The following FNBP1L variants were observed in gnomAD, a reference collection of about 807,000 sequenced individuals.
FNBP1L encodes the protein formin-binding protein 1-like.
In FNBP1L, 36 loss-of-function variants were observed where a neutral mutation model predicts 91.2. That is an observed-to-expected ratio of 0.39 (90% CI 0.30 to 0.52). The LOEUF is 0.52. FNBP1L is among the 20% of genes least tolerant of loss of function. FNBP1L has a pLI of 0.66. For synonymous variants in FNBP1L, 242 were observed against 237.0 expected (o/e 1.02, Z -0.19); for missense variants, 571 against 732.1 (o/e 0.78, Z 2.54).
chr1:93,460,627 G>C (rs929693331), intron 1 of FNBP1L, among the ~76,000 whole-genome samples: 2 of 152,186 alleles, frequency 1.3e-5, no homozygotes, highest in Non-Finnish European at 2.9e-5. Context: ...GGTCATTTAC[G>C]ATAACATGGA....
chr1:93,491,650 A>G (rs1263378520), intron 1 of FNBP1L, among the ~76,000 whole-genome samples: 1 of 152,216 alleles, frequency 6.6e-6, no homozygotes, highest in African/African-American at 2.4e-5. Context: ...TGTTAAAAAG[A>G]AGAGAATTTG....
intron 1 of FNBP1L, among the ~76,000 whole-genome samples, chr1:93,461,010 C>G (rs903420346): frequency 6.6e-6 from 1 of 151,998 alleles, no homozygotes; most frequent in African/African-American, 2.4e-5. Flanking sequence ...TCTGTAACCT[C>G]CAAGTTTGCA....
rs1479400595 is a variant in FNBP1L, at chr1:93,482,182, AAAAT to A, written c.25-17277_25-17274del. ...GTCTCAAAAATAAATAAATAAGTAA[AAAAT>A]AAATAAATCTACCAAATAAACACAA... On this transcript the variant is annotated intron_variant, in intron 1 of 16. Coordinates refer to ENST00000271234, the MANE Select transcript of FNBP1L (RefSeq NM_001164473.3). Among the ~76,000 whole-genome samples the A allele has an allele frequency of 2.0e-5, 3 of 152,100 alleles. No individual in the cohort carries two copies. The East Asian group carries it at 5.8e-4, about 29-fold the overall frequency.
chr1:93,469,640 G>C (rs1157085154), intron 1 of FNBP1L, among the ~76,000 whole-genome samples: 1 of 152,058 alleles, frequency 6.6e-6, no homozygotes, highest in African/African-American at 2.4e-5. Context: ...AATTTCTGTG[G>C]TAGTATGTAC....
Position 93,528,212 on chromosome 1 carries a change from A to G in FNBP1L, c.406-1440A>G, listed in dbSNP as rs138218705. Among the ~76,000 whole-genome samples, 290 of 152,294 alleles carry G rather than the reference A, an allele frequency of 1.9e-3. 2 individuals carry two copies. Among genetic ancestry groups the G allele is most frequent in the African/African-American group, 6.7e-3 (279 of 41,556 alleles). ...AGAACTGAAAGACATGAATTTCCAG[A>G]TGGAAAGGATATCCCATGTGCTCAG... On this transcript the variant is annotated intron_variant, in intron 5 of 16. Transcript: ENST00000271234.
chr1:93,514,142 AT>A (rs1259317188), intron 2 of FNBP1L, among the ~76,000 whole-genome samples: 3 of 152,220 alleles, frequency 2.0e-5, no homozygotes, highest in Non-Finnish European at 4.4e-5. Flanking sequence ...AGAGAGCCAA[AT>A]CATGAGTGAA....
chr1:93,544,997 T>G (rs1672174010), intron 12 of FNBP1L, among the ~76,000 whole-genome samples: 1 of 152,178 alleles, frequency 6.6e-6, no homozygotes, highest in South Asian at 2.1e-4. Context: ...TCACAATGTT[T>G]CAGTCAGCTG....
At position 93,501,680 on chromosome 1, in the gene FNBP1L, C is replaced by T. The variant is rs1057364646; in HGVS notation, c.140+2097C>T. Among the ~76,000 whole-genome samples the T allele has an allele frequency of 7.2e-5, 11 of 152,094 alleles. 2 individuals carry two copies. The highest frequency in any genetic ancestry group is 3.9e-4 in the Admixed American group (6 of 15,260). ...TGGTTGGGGTCAAACAAACCATATC[C>T]AAACCATAGTGAGAAGTGAATCTAC... On this transcript the variant is annotated intron_variant, in intron 2 of 16. Transcript: ENST00000271234.
intron 7 of FNBP1L, 94 bp downstream of exon 7, chr1:93,530,977 C>A: frequency 1.0e-6 from 1 of 1,001,842 alleles, no homozygotes; most frequent in Non-Finnish European, 1.4e-6. Context: ...TTTCTAGATT[C>A]ACTAGACATC....
At chr1:93,541,596 G>A (rs979847626) in intron 11 of FNBP1L, among the ~76,000 whole-genome samples, 19 of 151,482 alleles carry the variant, frequency 1.3e-4, no homozygotes, top group Non-Finnish European at 1.9e-4. Flanking sequence ...GGGGTGGGGC[G>A]GGGCGGGGAA....
intron 16 of FNBP1L, chr1:93,551,321 C>T (rs921759165): frequency 7.3e-6 from 9 of 1,227,200 alleles, no homozygotes; most frequent in Middle Eastern, 3.2e-4. Flanking sequence ...GTTTGAGTAA[C>T]GTTGGTGTGA....
At chr1:93,517,646 T>C (rs1052857900) in intron 2 of FNBP1L, among the ~76,000 whole-genome samples, 5 of 152,250 alleles carry the variant, frequency 3.3e-5, no homozygotes, top group African/African-American at 7.2e-5. Context: ...AATAAAATTT[T>C]GTTTTAAAAA....
intron 2 of FNBP1L, among the ~76,000 whole-genome samples, chr1:93,507,097 ACACACACACACT>A (rs55923114): frequency 4.9e-3 from 411 of 84,012 alleles, no homozygotes; most frequent in East Asian, 0.016. Flanking sequence ...ACACACACAC[ACACACACACACT>A]CTCTCTCTCT....
Position 93,554,321 on chromosome 1 carries a change from C to G in FNBP1L, c.*1905C>G, listed in dbSNP as rs1672506930. On this transcript the variant is annotated 3_prime_UTR_variant, in exon 17 of 17. Transcript: ENST00000271234. ...TTTTTTGGCTAACAGCCACAGAGGG[C>G]AAAGTTTAAGACTTTCTTGTAAGGA... is the stretch of plus-strand genomic sequence containing the variant. The G allele has an allele frequency of 6.6e-6, 1 of 152,626 alleles. No individual in the cohort carries two copies. Among genetic ancestry groups the G allele is most frequent in the Non-Finnish European group, 1.5e-5 (1 of 68,040 alleles). The allele number at this position is 152,626 out of a possible 1,614,324, so 9.5% of individuals were successfully genotyped here. A position where few individuals can be genotyped will look rare whatever the true frequency, so the allele number is the denominator to read the frequency against.
At chr1:93,476,023 A>G (rs1016435846) in intron 1 of FNBP1L, among the ~76,000 whole-genome samples, 3 of 152,188 alleles carry the variant, frequency 2.0e-5, no homozygotes, top group African/African-American at 7.2e-5. Flanking sequence ...TTTTGCAGGT[A>G]CAAGGTCTGC....
At chr1:93,485,721 G>T (rs1165014741) in intron 1 of FNBP1L, among the ~76,000 whole-genome samples, 1 of 152,026 alleles carries the variant, frequency 6.6e-6, no homozygotes, top group Admixed American at 6.6e-5. Flanking sequence ...TTTTGAAGTG[G>T]AGTCTCTCTC....
chr1:93,458,520 A>G (rs1370964093), intron 1 of FNBP1L, among the ~76,000 whole-genome samples: 1 of 152,236 alleles, frequency 6.6e-6, no homozygotes, highest in African/African-American at 2.4e-5. Flanking sequence ...CTGAAACTGT[A>G]AAAATACTAG....
rs1361998672 is a variant in FNBP1L, at chr1:93,448,302, G to C, written c.21G>C (p.Leu7=). The C allele has an allele frequency of 1.3e-6, 2 of 1,515,476 alleles. No individual in the cohort carries two copies. The highest frequency in any genetic ancestry group is 5.6e-5 in the East Asian group (2 of 35,430). 93.9% of individuals were successfully genotyped at this position (1,515,476 alleles called of 1,614,324 possible). Residue 7 remains leucine, a synonymous_variant, in exon 1 of 17, where the codon CTG becomes CTC. Transcript: ENST00000271234. ...CCGCCATGAGCTGGGGCACGGAGCT[G>C]TGGGTGAGTCGGGGAGAGGGGCGCC... The part of the protein sequence containing the change: MSWGTE[L]WDQFDSLDKH...
intron 2 of FNBP1L, among the ~76,000 whole-genome samples, chr1:93,514,753 A>G (rs1398031891): frequency 4.0e-5 from 6 of 151,752 alleles, no homozygotes; most frequent in African/African-American, 1.2e-4. Flanking sequence ...CTTACACCTT[A>G]TACAAAAATC....
Sources: gnomAD v4.1 joint callset for allele counts (sites outside exome capture counted in the v4.1 genomes callset) on GRCh38, gnomAD v4.1.1 for gene constraint, MANE v1.5 for transcripts, NCBI Gene and HGNC (gene_info 2026-07-23, HGNC 2026-07-21) for gene names.